NBEA: variants seen among roughly 807,000 people sequenced by gnomAD.
The protein encoded by NBEA is neurobeachin, also known as lysosomal-trafficking regulator 2.
In NBEA, 44 loss-of-function variants were observed where a neutral mutation model predicts 343.4. That is an observed-to-expected ratio of 0.13 (90% CI 0.10 to 0.16). The LOEUF (loss-of-function observed/expected upper bound fraction) is 0.16, where lower values mean the gene tolerates loss of function less well. Among genes scored for constraint, NBEA ranks in the 10% least tolerant of loss-of-function variants. The probability of loss-of-function intolerance (pLI) is 1.00; values close to 1 mark genes in which losing one functional copy is unlikely to be tolerated. For missense variants in NBEA, 2,555 were observed against 3,631.3 expected, an observed-to-expected ratio of 0.70 and a Z score of 7.62; for synonymous variants, 1,175 against 1,238.7, an observed-to-expected ratio of 0.95 and a Z score of 1.08.
At chr13:35,252,216 AG>A (rs2032061830) in intron 34 of NBEA, among the ~76,000 whole-genome samples, 2 of 152,240 alleles carry the variant, frequency 1.3e-5, no homozygotes, top group East Asian at 3.9e-4. Context: ...ACAAAGCTGC[AG>A]GAAGGAGGAT....
intron 41 of NBEA, among the ~76,000 whole-genome samples, chr13:35,513,572 A>G (rs2077369363): frequency 6.6e-6 from 1 of 151,664 alleles, no homozygotes; most frequent in Admixed American, 6.6e-5. Context: ...ACCTGAATTC[A>G]TTTTCTGTTT....
In NBEA at chr13:35,300,804, A is replaced by G. The variant is rs573313690; in HGVS notation, c.5839-8724A>G. Among the ~76,000 whole-genome samples the G allele has an allele frequency of 6.2e-4, 95 of 152,282 alleles. 1 individual carries two copies. In the South Asian group the frequency reaches 0.016, roughly 25 times the overall value. On this transcript the variant is annotated intron_variant, in intron 35 of 58. Coordinates refer to ENST00000379939, the MANE Select transcript of NBEA (RefSeq NM_001385012.1). ...TAGCTTAGGATAACCAATGGAGAAG[A>G]TGCCCTTTGTTACACTTTTCCTATA...
chr13:35,237,761 T>G (rs1278956004), intron 34 of NBEA, among the ~76,000 whole-genome samples: 1 of 152,226 alleles, frequency 6.6e-6, no homozygotes, highest in Non-Finnish European at 1.5e-5. Flanking sequence ...AAAGTATATT[T>G]GAATTGCCTC....
intron 38 of NBEA, among the ~76,000 whole-genome samples, chr13:35,376,260 T>G (rs576491597): frequency 6.6e-6 from 1 of 152,182 alleles, no homozygotes. Flanking sequence ...TTCATTGATA[T>G]GATTTCCTTA....
intron 36 of NBEA, among the ~76,000 whole-genome samples, chr13:35,331,167 A>G (rs2038903625): frequency 6.6e-6 from 1 of 152,028 alleles, no homozygotes; most frequent in Non-Finnish European, 1.5e-5. Flanking sequence ...AGAAAAAGGA[A>G]CTACCATTTT....
At chr13:34,967,817 T>C (rs971180216) in intron 1 of NBEA, among the ~76,000 whole-genome samples, 28 of 152,048 alleles carry the variant, frequency 1.8e-4, no homozygotes, top group African/African-American at 6.0e-4. Context: ...TTAAGTGTCC[T>C]AAAATTCAAT....
At chr13:35,062,352 G>A (rs941235039) in intron 8 of NBEA, among the ~76,000 whole-genome samples, 1 of 151,662 alleles carries the variant, frequency 6.6e-6, no homozygotes, top group Non-Finnish European at 1.5e-5. Context: ...TAAAAAAATA[G>A]AACCCTAGAG....
intron 36 of NBEA, among the ~76,000 whole-genome samples, chr13:35,345,061 G>T (rs2152859753): frequency 6.6e-6 from 1 of 152,158 alleles, no homozygotes; most frequent in South Asian, 2.1e-4. Flanking sequence ...ACGGTGATGA[G>T]GGAAATTTAT....
At chr13:35,229,851 A>T (rs1161193766) in intron 33 of NBEA, among the ~76,000 whole-genome samples, 1 of 152,136 alleles carries the variant, frequency 6.6e-6, no homozygotes, top group Admixed American at 6.6e-5. Flanking sequence ...CCTTCTTTGG[A>T]ATACATTGTG....
chr13:35,310,629 C>A (rs898282212), intron 36 of NBEA, among the ~76,000 whole-genome samples: 3 of 152,172 alleles, frequency 2.0e-5, no homozygotes, highest in Non-Finnish European at 4.4e-5. Flanking sequence ...CACATTAAAA[C>A]AGACGTAGCT....
intron 41 of NBEA, among the ~76,000 whole-genome samples, chr13:35,523,980 GCTTT>G (rs1454563842): frequency 2.6e-5 from 4 of 151,602 alleles, no homozygotes; most frequent in Non-Finnish European, 4.4e-5. Flanking sequence ...ACTTACATTG[GCTTT>G]CTATTTTCAT....
At chr13:35,421,991 T>TC in intron 38 of NBEA, among the ~76,000 whole-genome samples, 1 of 152,200 alleles carries the variant, frequency 6.6e-6, no homozygotes, top group East Asian at 1.9e-4. Context: ...AGCATGGACT[T>TC]CCATGGATTT....
At chr13:35,181,984 A>G (rs1361880151) in intron 28 of NBEA, among the ~76,000 whole-genome samples, 2 of 151,682 alleles carry the variant, frequency 1.3e-5, no homozygotes, top group Non-Finnish European at 3.0e-5. Context: ...CAGTTATAGT[A>G]TATAAAACCC....
intron 26 of NBEA, 99 bp from the exon 27 acceptor site, chr13:35,173,365 A>G (rs2070619739): frequency 9.3e-7 from 1 of 1,075,410 alleles, no homozygotes; most frequent in South Asian, 2.0e-5. Context: ...TTTATGAAGC[A>G]AGGGGAAAGA....
chr13:35,655,700 C>G lies in NBEA; in HGVS notation c.8313C>G (p.Leu2771=). The G allele has an allele frequency of 6.2e-7, 1 of 1,613,876 alleles. No individual in the cohort carries two copies. The highest frequency in any genetic ancestry group is 8.5e-7 in the Non-Finnish European group (1 of 1,179,870). The change falls in exon 55 of 59, where the codon CTC becomes CTG. Residue 2771 remains leucine (L), a synonymous_variant. Transcript: ENST00000379939. ...GATCTCGAGATGCCACCCTGCTGCT[C>G]TGGTACTGGAGTGGGCGGCACCATA... ...VSGSRDATLL[L]WYWSGRHHII...
At chr13:35,576,648 GC>G (rs1304654826) in intron 45 of NBEA, among the ~76,000 whole-genome samples, 1 of 152,044 alleles carries the variant, frequency 6.6e-6, no homozygotes, top group Non-Finnish European at 1.5e-5. Context: ...CATTCTCACT[GC>G]CCAGAGACAA....
rs200534245 is a variant in NBEA, at chr13:35,583,954, A to G, written c.7092A>G (p.Thr2364=). 6.2e-6 allele frequency: 10 copies of G among 1,613,490 alleles called. No homozygotes were observed. Among genetic ancestry groups the G allele is most frequent in the Admixed American group, 3.3e-5 (2 of 59,994 alleles). Residue 2364 remains threonine, a synonymous_variant, in exon 46 of 59, where the codon ACA becomes ACG. Coordinates refer to ENST00000379939, the MANE Select transcript of NBEA (RefSeq NM_001385012.1). ...TGTTTTATGCAGAGCGTTATGAGAC[A>G]TGGGAAGATGATCAAAGCCCACCCT... ...RAVFYAERYE[T]WEDDQSPPYH...
chr13:35,441,558 G>A (rs981449533), intron 39 of NBEA, among the ~76,000 whole-genome samples: 1 of 151,978 alleles, frequency 6.6e-6, no homozygotes, highest in African/African-American at 2.4e-5. Flanking sequence ...TTGACTTCTT[G>A]CTGGTTCCTT....
chr13:35,563,160 TAGA>T (rs1220071316), intron 44 of NBEA, among the ~76,000 whole-genome samples: 5 of 151,228 alleles, frequency 3.3e-5, no homozygotes, highest in Non-Finnish European at 7.4e-5. Context: ...GATAGATAGA[TAGA>T]TAGATAGATA....
Sources: gnomAD v4.1 joint callset for allele counts (sites outside exome capture counted in the v4.1 genomes callset) on GRCh38, gnomAD v4.1.1 for gene constraint, MANE v1.5 for transcripts, NCBI Gene and HGNC (gene_info 2026-07-23, HGNC 2026-07-21) for gene names.